The following TRPC6 variants were observed in gnomAD, a reference collection of about 807,000 sequenced individuals.
TRPC6 encodes the protein transient receptor potential cation channel subfamily C member 6.
A neutral mutation model predicts 90.7 loss-of-function variants in TRPC6; 55 were observed. The observed-to-expected ratio is 0.61, with a 90% CI of 0.49 to 0.76. TRPC6 has a LOEUF of 0.76. Among genes scored for constraint, TRPC6 ranks in the 30% least tolerant of loss-of-function variants. The pLI is 0.00. For missense variants in TRPC6, 989 were observed against 1,122.7 expected, an observed-to-expected ratio of 0.88 and a Z score of 1.70; for synonymous variants, 393 against 393.0, an observed-to-expected ratio of 1.00 and a Z score of 0.00.
intron 2 of TRPC6, among the ~76,000 whole-genome samples, chr11:101,493,627 C>G (rs962338963): frequency 6.6e-6 from 1 of 152,068 alleles, no homozygotes; most frequent in Non-Finnish European, 1.5e-5. Context: ...GGGCAAATAC[C>G]GTTCCCATTT....
At chr11:101,533,147 G>C (rs1434530272) in intron 1 of TRPC6, among the ~76,000 whole-genome samples, 2 of 152,146 alleles carry the variant, frequency 1.3e-5, no homozygotes, top group African/African-American at 4.8e-5. Flanking sequence ...ATGGGAGTAA[G>C]AGTTTGTATT....
At chr11:101,567,179 G>A (rs1019697259) in intron 1 of TRPC6, among the ~76,000 whole-genome samples, 1 of 152,138 alleles carries the variant, frequency 6.6e-6, no homozygotes, top group Admixed American at 6.5e-5. Flanking sequence ...TAGCTAGGTG[G>A]GGGGAGGGGC....
At chr11:101,474,893 C>T (rs1184704352) in intron 6 of TRPC6, among the ~76,000 whole-genome samples, 1 of 152,168 alleles carries the variant, frequency 6.6e-6, no homozygotes, top group Non-Finnish European at 1.5e-5. Flanking sequence ...GGATGAATAA[C>T]TGGACATAGT....
intron 1 of TRPC6, among the ~76,000 whole-genome samples, chr11:101,529,324 A>T (rs1860855204): frequency 6.6e-6 from 1 of 152,240 alleles, no homozygotes; most frequent in African/African-American, 2.4e-5. Context: ...GCTAAATATC[A>T]GGGCAGCATC....
At position 101,546,050 on chromosome 11, in the gene TRPC6, C is replaced by CTTTTTTTTTTTTTT. The variant is rs1166182552; in HGVS notation, c.170+37270_170+37283dup. ...TGGATCTAGTATCACATTTATAACTCTTTTTTTTTTTTTTTTTTTTTTTTT... is the reference window on the plus strand; with the variant it reads ...TGGATCTAGTATCACATTTATAACTCTTTTTTTTTTTTTTTTTTTTTTTTTTTTTTTTTTTTTTT... On this transcript the variant is annotated intron_variant, in intron 1 of 12. Transcript: ENST00000344327. 6.4e-4 allele frequency among the ~76,000 whole-genome samples: 19 copies of CTTTTTTTTTTTTTT among 29,724 alleles called. 6 individuals are homozygous for CTTTTTTTTTTTTTT. Among genetic ancestry groups the CTTTTTTTTTTTTTT allele is most frequent in the Non-Finnish European group, 8.7e-4 (14 of 16,050 alleles). The allele number at this position is 29,724 out of a possible 152,430, so 19.5% of individuals were successfully genotyped here.
rs190904105 is a variant in TRPC6, at chr11:101,487,156, A to G, written c.1293+1781T>C. Among the ~76,000 whole-genome samples, 9 of 152,266 alleles carry G rather than the reference A, an allele frequency of 5.9e-5. No homozygotes were observed. In the East Asian group the frequency reaches 1.7e-3, roughly 29 times the overall value. On this transcript the variant is annotated intron_variant, in intron 4 of 12. Coordinates refer to ENST00000344327, the MANE Select transcript of TRPC6 (RefSeq NM_004621.6). ...GTCAAAGCACCAGACACTCTGGAATACATTATGCTTTCGAACACACTGGTT... is the reference window on the plus strand; with the variant it reads ...GTCAAAGCACCAGACACTCTGGAATGCATTATGCTTTCGAACACACTGGTT...
At chr11:101,480,669 G>A (rs1168840969) in intron 5 of TRPC6, among the ~76,000 whole-genome samples, 1 of 151,930 alleles carries the variant, frequency 6.6e-6, no homozygotes, top group East Asian at 1.9e-4. Flanking sequence ...TTGTAAAAGT[G>A]ACATATAAAT....
chr11:101,475,402 G>C (rs543534396), intron 6 of TRPC6, among the ~76,000 whole-genome samples: 2 of 151,914 alleles, frequency 1.3e-5, no homozygotes, highest in African/African-American at 4.8e-5. Flanking sequence ...TCATCACCTC[G>C]AATATTTACA....
intron 1 of TRPC6, among the ~76,000 whole-genome samples, chr11:101,567,017 G>A (rs1432843464): frequency 1.5e-5 from 2 of 135,900 alleles, no homozygotes; most frequent in Non-Finnish European, 3.1e-5. Context: ...ACGCCAGTGA[G>A]ACAGAACCAT....
At chr11:101,542,763 A>T (rs1744834409) in intron 1 of TRPC6, among the ~76,000 whole-genome samples, 1 of 152,010 alleles carries the variant, frequency 6.6e-6, no homozygotes, top group Admixed American at 6.5e-5. Flanking sequence ...TATATATATA[A>T]TTTTTAAATG....
At position 101,488,853 on chromosome 11, in the gene TRPC6, A is replaced by G. The variant is rs1859736689; in HGVS notation, c.1293+84T>C. On this transcript the variant is annotated intron_variant, in intron 4 of 12. Coordinates refer to ENST00000344327, the MANE Select transcript of TRPC6 (RefSeq NM_004621.6). ...ACTGAAACCCAACTGTGATTCCCTGAAATTTTCACTTTGGAGATAAGATTT... is the reference window on the plus strand; with the variant it reads ...ACTGAAACCCAACTGTGATTCCCTGGAATTTTCACTTTGGAGATAAGATTT... 6 of 1,511,248 alleles carry G rather than the reference A, an allele frequency of 4.0e-6. No individual in the cohort carries two copies. The South Asian group carries it at 6.9e-5, about 17-fold the overall frequency. The allele number at this position is 1,511,248 out of a possible 1,614,324, so 93.6% of individuals were successfully genotyped here.
intron 7 of TRPC6, among the ~76,000 whole-genome samples, chr11:101,473,032 A>ATATC (rs2136672786): frequency 6.6e-6 from 1 of 152,256 alleles, no homozygotes; most frequent in East Asian, 1.9e-4. Flanking sequence ...TTGATAAGTC[A>ATATC]TATCTACTCA....
At chr11:101,467,518 TAA>T (rs766712161) in intron 10 of TRPC6, among the ~76,000 whole-genome samples, 1 of 152,218 alleles carries the variant, frequency 6.6e-6, no homozygotes, top group Non-Finnish European at 1.5e-5. Flanking sequence ...TGTGAACAAG[TAA>T]AGAGTCTTAA....
chr11:101,473,211 T>C (rs1337396577), intron 7 of TRPC6, among the ~76,000 whole-genome samples: 3 of 152,126 alleles, frequency 2.0e-5, no homozygotes, highest in African/African-American at 7.2e-5. Flanking sequence ...TATGGAATAT[T>C]CAGCAAATTA....
At chr11:101,507,063 T>A (rs1237544638) in intron 1 of TRPC6, among the ~76,000 whole-genome samples, 2 of 147,340 alleles carry the variant, frequency 1.4e-5, no homozygotes, top group Non-Finnish European at 3.0e-5. Flanking sequence ...ACCCCCTTCA[T>A]GGTCCCTTAT....
At chr11:101,509,075 A>C (rs1379284346) in intron 1 of TRPC6, among the ~76,000 whole-genome samples, 1 of 119,058 alleles carries the variant, frequency 8.4e-6, no homozygotes, top group Non-Finnish European at 1.8e-5. Context: ...TGCAATAAGA[A>C]GACCCATGAA....
rs191750777 is a variant in TRPC6 at position 101,550,199 on chromosome 11, C to A, written c.170+33135G>T. ...TCAACTTACATATGCCCAACAATTA[C>A]AAAATCATCATGTAATTAATTCCTC... On this transcript the variant is annotated intron_variant, in intron 1 of 12. Transcript: ENST00000344327. Among the ~76,000 whole-genome samples the A allele has an allele frequency of 7.3e-5, 11 of 151,594 alleles. No homozygotes were observed. The East Asian group carries it at 1.9e-3, about 27-fold the overall frequency.
At chr11:101,549,244 A>C (rs1317956475) in intron 1 of TRPC6, among the ~76,000 whole-genome samples, 2 of 151,976 alleles carry the variant, frequency 1.3e-5, no homozygotes, top group African/African-American at 4.8e-5. Flanking sequence ...AATACATCTA[A>C]CTTATTCACT....
At chr11:101,566,984 T>C (rs1861847345) in intron 1 of TRPC6, among the ~76,000 whole-genome samples, 2 of 141,120 alleles carry the variant, frequency 1.4e-5, no homozygotes, top group South Asian at 4.6e-4. Flanking sequence ...GGAGTTTTTT[T>C]CCATACCCCA....
Sources: allele counts gnomAD v4.1 joint callset (sites outside exome capture counted in the v4.1 genomes callset), GRCh38; gene constraint gnomAD v4.1.1; transcripts MANE v1.5; gene names NCBI Gene and HGNC (gene_info 2026-07-23, HGNC 2026-07-21).